SCN7A: variants seen among roughly 807,000 people sequenced by gnomAD.
SCN7A encodes the protein sodium channel protein type 7 subunit alpha.
Under a neutral mutation model 155.2 loss-of-function variants are expected in SCN7A, and 138 were observed. The observed-to-expected ratio is 0.89, with a 90% CI of 0.77 to 1.02. The LOEUF (loss-of-function observed/expected upper bound fraction) is 1.02. SCN7A is among the 50% of genes least tolerant of loss of function. The pLI, the probability that SCN7A is intolerant of heterozygous loss-of-function variation, is 0.00. For synonymous variants in SCN7A, 693 were observed against 649.0 expected (o/e 1.07, Z -1.03); for missense variants, 2,058 against 1,986.6 (o/e 1.04, Z -0.68).
intron 2 of SCN7A, among the ~76,000 whole-genome samples, chr2:166,481,225 A>G (rs11893208): frequency 0.14 from 21,351 of 152,104 alleles, 1,538 homozygotes; most frequent in East Asian, 0.22. Context: ...CCTCAGTCAA[A>G]TTATTTAATA....
rs547936825 is a variant in SCN7A at position 166,419,806 on chromosome 2, G to C, written c.3135+1384C>G. On this transcript the variant is annotated intron_variant, in intron 20 of 25. Coordinates refer to ENST00000643258, the MANE Select transcript of SCN7A (RefSeq NM_002976.4). ...TTCATGATATGGTTAAATGAAGTCT[G>C]TTTCTTATTATATGTTACAATTACT... 7.2e-4 allele frequency among the ~76,000 whole-genome samples: 110 copies of C among 152,142 alleles called. 1 individual carries two copies. The highest frequency in any genetic ancestry group is 2.6e-3 in the African/African-American group (106 of 41,520).
intron 1 of SCN7A, among the ~76,000 whole-genome samples, chr2:166,490,081 A>G (rs889053411): frequency 7.2e-5 from 11 of 152,058 alleles, no homozygotes; most frequent in Non-Finnish European, 1.2e-4. Context: ...CCATTATCTC[A>G]CAGACTTATT....
chr2:166,473,324 T>C (rs1702700845), intron 5 of SCN7A, among the ~76,000 whole-genome samples: 1 of 151,856 alleles, frequency 6.6e-6, no homozygotes, highest in Non-Finnish European at 1.5e-5. Flanking sequence ...ATTAAGGGCA[T>C]GTGTAAGATC....
At chr2:166,481,288 T>A (rs920071170) in intron 2 of SCN7A, among the ~76,000 whole-genome samples, 4 of 152,046 alleles carry the variant, frequency 2.6e-5, no homozygotes, top group Non-Finnish European at 5.9e-5. Flanking sequence ...TCCAGTTAAA[T>A]AAGAATAAAT....
chr2:166,423,849 GT>G (rs1396063703), intron 18 of SCN7A, among the ~76,000 whole-genome samples: 9 of 152,078 alleles, frequency 5.9e-5, no homozygotes, highest in Admixed American at 4.6e-4. Context: ...AAACAGATAT[GT>G]TTTTAAAATG....
chr2:166,483,661 T>C (rs990360260), intron 2 of SCN7A, among the ~76,000 whole-genome samples: 4 of 151,854 alleles, frequency 2.6e-5, no homozygotes, highest in African/African-American at 9.7e-5. Context: ...TAATTTAAAA[T>C]AGAAATCTTA....
chr2:166,479,385 C>T (rs759880796), intron 2 of SCN7A, among the ~76,000 whole-genome samples: 3 of 151,950 alleles, frequency 2.0e-5, no homozygotes, highest in East Asian at 3.9e-4. Context: ...ATATACAAAA[C>T]GCAATCTTAT....
intron 15 of SCN7A, 150 bp from the exon 16 acceptor site, chr2:166,432,902 G>C: frequency 1.7e-6 from 1 of 595,896 alleles, no homozygotes; most frequent in Non-Finnish European, 2.8e-6. Flanking sequence ...AATAACTGTA[G>C]TCACCATGCT....
intron 1 of SCN7A, among the ~76,000 whole-genome samples, chr2:166,487,460 C>T (rs945842579): frequency 1.3e-5 from 2 of 152,164 alleles, no homozygotes. Flanking sequence ...TTCTAGAGCA[C>T]AGCCTGCCAG....
intron 18 of SCN7A, among the ~76,000 whole-genome samples, chr2:166,425,725 T>C (rs1701608552): frequency 6.6e-6 from 1 of 152,104 alleles, no homozygotes; most frequent in African/African-American, 2.4e-5. Context: ...GCATCTCTTT[T>C]GCCCGAACCA....
chr2:166,410,701 G>A (rs963217530), intron 23 of SCN7A, among the ~76,000 whole-genome samples: 2 of 151,896 alleles, frequency 1.3e-5, no homozygotes, highest in Non-Finnish European at 2.9e-5. Context: ...CTTTTAATAA[G>A]CAGAAATAAA....
At chr2:166,424,989 A>G (rs13415889) in intron 18 of SCN7A, among the ~76,000 whole-genome samples, 11,495 of 152,112 alleles carry the variant, frequency 0.076, 768 homozygotes, top group African/African-American at 0.16. Flanking sequence ...CTGCTAAACA[A>G]GAGCCACCCC....
At chr2:166,444,652 G>A in intron 13 of SCN7A, 110 bp downstream of exon 13, 2 of 657,590 alleles carry the variant, frequency 3.0e-6, no homozygotes, top group South Asian at 2.0e-5. Context: ...AATGCATATT[G>A]CAACATATTG....
chr2:166,439,107 T>C (rs1701903229), intron 15 of SCN7A, among the ~76,000 whole-genome samples: 1 of 148,080 alleles, frequency 6.8e-6, no homozygotes, highest in Admixed American at 6.8e-5. Context: ...TCTTTCTCTT[T>C]GAATTATGTG....
chr2:166,405,869 C>A lies in SCN7A; in HGVS notation c.4760G>T (p.Gly1587Val). 6.2e-7 allele frequency: 1 copy of A among 1,613,174 alleles called. No individual in the cohort carries two copies. The highest frequency in any genetic ancestry group is 8.5e-7 in the Non-Finnish European group (1 of 1,179,400). ...AACTTTCTCCATCCTCACATCTTGA[C>A]CCATAACTCTCTTTGTAAAAGCAAG... ...ILLAFTKRVM[G>V]QDVRMEKVVS... The change falls in exon 26 of 26, where the codon GGT (glycine) becomes GTT (valine). Residue 1587 changes from glycine (G) to valine (V), a missense_variant. Transcript: ENST00000643258.
At chr2:166,457,710 T>G (rs1330598354) in intron 10 of SCN7A, among the ~76,000 whole-genome samples, 1 of 152,188 alleles carries the variant, frequency 6.6e-6, no homozygotes, top group Non-Finnish European at 1.5e-5. Context: ...CATTTTAGAT[T>G]GCCAAACACA....
chr2:166,445,748 G>A (rs1177401844), intron 12 of SCN7A, among the ~76,000 whole-genome samples: 1 of 151,974 alleles, frequency 6.6e-6, no homozygotes, highest in African/African-American at 2.4e-5. Context: ...TTGACGTGCT[G>A]CTGGATTCGA....
chr2:166,413,523 T>C (rs1204654293), intron 21 of SCN7A, among the ~76,000 whole-genome samples: 1 of 152,002 alleles, frequency 6.6e-6, no homozygotes, highest in Non-Finnish European at 1.5e-5. Flanking sequence ...CTCAAAATGC[T>C]AAAGAGATAA....
At chr2:166,412,458 A>G in intron 23 of SCN7A, 72 bp downstream of exon 23, 1 of 1,279,864 alleles carries the variant, frequency 7.8e-7, no homozygotes, top group Non-Finnish European at 1.0e-6. Context: ...TATTTGAAGC[A>G]GGGCATTTAT....
Sources: gnomAD v4.1 joint callset for allele counts (sites outside exome capture counted in the v4.1 genomes callset) on GRCh38, gnomAD v4.1.1 for gene constraint, MANE v1.5 for transcripts, NCBI Gene and HGNC (gene_info 2026-07-23, HGNC 2026-07-21) for gene names.